Variants in CPLANE1 observed in about 807,000 individuals in gnomAD.
CPLANE1 encodes the protein ciliogenesis and planar polarity effector 1.
CPLANE1 carries 263 observed loss-of-function variants against 362.5 expected under a neutral mutation model. The observed-to-expected ratio is 0.73, with a 90% confidence interval of 0.66 to 0.80. CPLANE1 has a LOEUF of 0.80. CPLANE1 is among the 30% of genes least tolerant of loss of function. CPLANE1 has a pLI of 0.00. For missense variants in CPLANE1, 3,461 were observed against 3,793.4 expected, an observed-to-expected ratio of 0.91 and a Z score of 2.30; for synonymous variants, 1,212 against 1,302.6, an observed-to-expected ratio of 0.93 and a Z score of 1.50.
intron 15 of CPLANE1, among the ~76,000 whole-genome samples, chr5:37,218,200 C>T (rs905931696): frequency 6.6e-6 from 1 of 152,034 alleles, no homozygotes; most frequent in African/African-American, 2.4e-5. Context: ...GCTCACTGAA[C>T]CTAAACTGTA....
chr5:37,128,632 G>T (rs896396441), intron 46 of CPLANE1, among the ~76,000 whole-genome samples: 2 of 152,116 alleles, frequency 1.3e-5, no homozygotes, highest in Admixed American at 1.3e-4. Context: ...GCCGAGATGG[G>T]TGGATCACCT....
intron 9 of CPLANE1, among the ~76,000 whole-genome samples, chr5:37,229,432 G>A (rs959079916): frequency 6.6e-6 from 1 of 151,088 alleles, no homozygotes; most frequent in Non-Finnish European, 1.5e-5. Flanking sequence ...CCAGCTACTC[G>A]GGAGGCTGAG....
In CPLANE1 at chr5:37,177,624, T is replaced by A. The variant is rs1781548168; in HGVS notation, c.5897A>T (p.Lys1966Ile). ...TIMEEKSTEQ[K>I]GMIEAFSHPG... ...GTCATACTTTTTTCCCCCTTACCCT[T>A]TTTGTTCAGTCGATTTTTCCTCCAT... Residue 1966 changes from lysine to isoleucine, a missense_variant, in exon 30 of 53, where the codon AAA becomes ATA. Lys to Ile is a moderately radical substitution (Grantham distance 102). Around this residue, in one of 2 missense-constraint regions of CPLANE1, gnomAD observed 3,380 missense variants for 3,666.1 expected, o/e 0.92. Coordinates refer to ENST00000651892, the MANE Select transcript of CPLANE1 (RefSeq NM_001384732.1). 13 of 1,613,058 alleles carry A rather than the reference T, an allele frequency of 8.1e-6. 1 individual carries two copies. In the East Asian group the frequency reaches 2.9e-4, roughly 36 times the overall value.
chr5:37,219,397 G>A (rs999747741), intron 15 of CPLANE1, among the ~76,000 whole-genome samples: 3 of 151,450 alleles, frequency 2.0e-5, no homozygotes, highest in South Asian at 2.1e-4. Context: ...GCATGGTGGC[G>A]CATGCCTGTA....
intron 42 of CPLANE1, among the ~76,000 whole-genome samples, chr5:37,152,818 G>T (rs562449661): frequency 1.3e-5 from 2 of 152,278 alleles, no homozygotes; most frequent in African/African-American, 4.8e-5. Context: ...GAACCTGAGA[G>T]GTTGAGGCTG....
intron 42 of CPLANE1, among the ~76,000 whole-genome samples, chr5:37,148,828 A>G (rs759587765): frequency 2.0e-5 from 3 of 152,124 alleles, no homozygotes; most frequent in Non-Finnish European, 2.9e-5. Flanking sequence ...AAGCAAGCAG[A>G]TCACTTGAGG....
In CPLANE1 at chr5:37,227,327, T is replaced by C; in HGVS notation, c.1437A>G (p.Gln479=). 1 of 1,552,148 alleles carries C rather than the reference T, an allele frequency of 6.4e-7. No homozygotes were observed. Among genetic ancestry groups the C allele is most frequent in the South Asian group, 1.2e-5 (1 of 84,044 alleles). Residue 479 remains glutamine, a synonymous_variant, in exon 11 of 53, where the codon CAA becomes CAG. Coordinates refer to ENST00000651892, the MANE Select transcript of CPLANE1 (RefSeq NM_001384732.1). The stretch of plus-strand genomic sequence containing the variant: ...TGAAATCGGCTGAACTTTCATTTCC[T>C]TGGTGTTCTAACAGGCTAGACCTTA... The part of the protein sequence containing the change: ...NSLRSSLLEH[Q]GNESSADFTV...
intron 10 of CPLANE1, 43 bp downstream of exon 10, chr5:37,227,525 A>G: frequency 6.7e-7 from 1 of 1,501,038 alleles, no homozygotes; most frequent in South Asian, 1.3e-5. Context: ...AAATTTGAAA[A>G]GAAAAAGGCA....
In CPLANE1 at chr5:37,158,260, A is replaced by C. The variant is rs1399165444; in HGVS notation, c.7776T>G (p.Pro2592=). Residue 2592 remains proline (P), a synonymous_variant, in exon 39 of 53, where the codon CCT becomes CCG. Transcript: ENST00000651892. ...CTGTATGAGGTATTGAGGGTGACCA[A>C]GGTTTCTCTGACATTTCACTGGAAA... ...LKLSSEMSEK[P]WSPSIPHTVT... The C allele has an allele frequency of 6.2e-7, 1 of 1,614,012 alleles. No homozygotes were observed. Among genetic ancestry groups the C allele is most frequent in the East Asian group, 2.2e-5 (1 of 44,838 alleles).
chr5:37,176,030 T>G (rs1285026607), intron 30 of CPLANE1, 44 bp from the exon 31 acceptor site: 2 of 1,285,034 alleles, frequency 1.6e-6, no homozygotes, highest in African/African-American at 1.5e-5. Flanking sequence ...AAGATATTCT[T>G]TGCATTATCT....
rs1561532032 is a variant in CPLANE1 at position 37,184,932 on chromosome 5, G to A, written c.4337C>T (p.Pro1446Leu). The change falls in exon 25 of 53, where the codon CCA (proline) becomes CTA (leucine). Residue 1446 changes from proline (P) to leucine (L), a missense_variant. Coordinates refer to ENST00000651892, the MANE Select transcript of CPLANE1 (RefSeq NM_001384732.1). Reference sequence around the variant, plus strand: ...CCCCAGGGAATATCTGTCAACACCTGGAGCCTCATCTGGTTTCTCTTCTTC... The same window carrying A: ...CCCCAGGGAATATCTGTCAACACCTAGAGCCTCATCTGGTTTCTCTTCTTC... ...PIEEEKPDEAPGVDRYSLGTS... is the reference protein window; with the variant it reads ...PIEEEKPDEALGVDRYSLGTS... The A allele has an allele frequency of 6.2e-6, 10 of 1,614,046 alleles. No homozygotes were observed. Among genetic ancestry groups the A allele is most frequent in the Non-Finnish European group, 8.5e-6 (10 of 1,179,972 alleles).
chr5:37,118,985 T>C (rs535576536), intron 50 of CPLANE1, among the ~76,000 whole-genome samples: 1 of 152,166 alleles, frequency 6.6e-6, no homozygotes, highest in Admixed American at 6.5e-5. Flanking sequence ...GTGCTGGGAT[T>C]ACAGGCGTGA....
At chr5:37,220,378 C>G (rs1484995455) in intron 15 of CPLANE1, among the ~76,000 whole-genome samples, 1 of 152,086 alleles carries the variant, frequency 6.6e-6, no homozygotes, top group African/African-American at 2.4e-5. Flanking sequence ...TTCGTATATA[C>G]AGTAAACATC....
Position 37,209,549 on chromosome 5 carries a change from T to C in CPLANE1, c.2921-3124A>G. The C allele has an allele frequency of 7.7e-7, 1 of 1,305,106 alleles. No individual in the cohort carries two copies. The highest frequency in any genetic ancestry group is 1.2e-5 in the South Asian group (1 of 84,646). The allele number at this position is 1,305,106 out of a possible 1,614,324, so 80.8% of individuals were successfully genotyped here. A position where few individuals can be genotyped will look rare whatever the true frequency, so the allele number is the denominator to read the frequency against. On this transcript the variant is annotated intron_variant, in intron 16 of 52. Transcript: ENST00000651892. The surrounding 1 kb of genome is among the most constrained non-coding windows in gnomAD (Gnocchi z 4.6). Reference sequence around the variant, plus strand: ...GTGGAGAACTGCAACCTCAGTCCATTTCAGTGCAAGGGAGCTCCCTCTTAA... The same window carrying C: ...GTGGAGAACTGCAACCTCAGTCCATCTCAGTGCAAGGGAGCTCCCTCTTAA...
intron 36 of CPLANE1, 38 bp downstream of exon 36, chr5:37,165,501 T>G (rs1441874534): frequency 6.2e-7 from 1 of 1,600,944 alleles, no homozygotes; most frequent in African/African-American, 1.3e-5. Context: ...TCAGTGTACA[T>G]GCAAACCAGG....
At chr5:37,156,661 T>C (rs1273951593) in intron 41 of CPLANE1, among the ~76,000 whole-genome samples, 1 of 152,134 alleles carries the variant, frequency 6.6e-6, no homozygotes, top group Non-Finnish European at 1.5e-5. Flanking sequence ...ATATATATAG[T>C]CTTCTAAATC....
At chr5:37,231,262 T>C (rs1363110895) in intron 8 of CPLANE1, among the ~76,000 whole-genome samples, 1 of 152,148 alleles carries the variant, frequency 6.6e-6, no homozygotes. Flanking sequence ...ATATTCCAAT[T>C]AGAAATTCAT....
chr5:37,198,915 T>C (rs778037214), intron 19 of CPLANE1, 49 bp from the exon 20 acceptor site: 2 of 1,555,430 alleles, frequency 1.3e-6, no homozygotes, highest in Non-Finnish European at 1.8e-6. Context: ...TGAGAAAATT[T>C]AGAATGTTAA....
intron 5 of CPLANE1, among the ~76,000 whole-genome samples, chr5:37,243,678 T>C (rs1296162555): frequency 1.4e-5 from 2 of 147,154 alleles, no homozygotes; most frequent in Admixed American, 6.9e-5. Context: ...AAAATATATA[T>C]ACATATATAA....
Sources: gnomAD v4.1 joint callset for allele counts (sites outside exome capture counted in the v4.1 genomes callset) on GRCh38, gnomAD v4.1.1 for gene constraint, gnomAD v4.1.1 regional missense constraint, Gnocchi (gnomAD v3.1) non-coding constraint, MANE v1.5 for transcripts, NCBI Gene and HGNC (gene_info 2026-07-23, HGNC 2026-07-21) for gene names.